The following NEBL variants were observed in gnomAD, a reference collection of about 807,000 sequenced individuals.
NEBL encodes LIM and SH3 protein 2.
A neutral mutation model predicts 140.2 loss-of-function variants in NEBL; 122 were observed. The ratio of observed to expected loss-of-function variants is 0.87; its 90% confidence interval spans 0.75 to 1.01. The LOEUF (loss-of-function observed/expected upper bound fraction) is 1.01, where lower values mean the gene tolerates loss of function less well. NEBL is among the 50% of genes least tolerant of loss of function. The pLI is 0.00. For missense variants in NEBL, 1,365 were observed against 1,231.3 expected (o/e 1.11, Z -1.62); for synonymous variants, 436 against 398.9 (o/e 1.09, Z -1.11).
At chr10:21,117,021 G>T (rs2132033972) in intron 2 of NEBL, among the ~76,000 whole-genome samples, 1 of 152,138 alleles carries the variant, frequency 6.6e-6, no homozygotes, top group East Asian at 1.9e-4. Context: ...ATGTTACTTT[G>T]TTGGTGCTGG....
In NEBL at chr10:20,783,933, C is replaced by T. The variant is rs1274946839; in HGVS notation, c.*1814G>A. The stretch of plus-strand genomic sequence containing the variant: ...TGCATTTATTTTTTCAACTTTATGT[C>T]AGTGACATATAGATGCAGCTTCAGT... On this transcript the variant is annotated 3_prime_UTR_variant, in exon 28 of 28. Transcript: ENST00000377122. 1 of 152,432 alleles carries T rather than the reference C, an allele frequency of 6.6e-6. No individual in the cohort carries two copies. The highest frequency in any genetic ancestry group is 1.9e-4 in the East Asian group (1 of 5,198). 9.4% of individuals were successfully genotyped at this position (152,432 alleles called of 1,614,324 possible).
chr10:20,846,210 A>T (rs1841923676), intron 11 of NEBL, among the ~76,000 whole-genome samples: 1 of 152,152 alleles, frequency 6.6e-6, no homozygotes, highest in Non-Finnish European at 1.5e-5. Flanking sequence ...AAAAATATCC[A>T]TCCATGTGAA....
chr10:20,976,071 A>G (rs560563553), intron 3 of NEBL, among the ~76,000 whole-genome samples: 239 of 152,254 alleles, frequency 1.6e-3, no homozygotes, highest in African/African-American at 5.5e-3. Flanking sequence ...ATGGTGGCTC[A>G]CACCTGTAAT....
chr10:20,834,664 A>G (rs74120694), intron 14 of NEBL, among the ~76,000 whole-genome samples: 3,282 of 152,200 alleles, frequency 0.022, 132 homozygotes, highest in African/African-American at 0.075. Context: ...TGAAGCCCCC[A>G]CCTAACCAAC....
intron 3 of NEBL, among the ~76,000 whole-genome samples, chr10:21,221,907 G>A (rs1432466168): frequency 6.6e-6 from 1 of 151,622 alleles, no homozygotes; most frequent in Non-Finnish European, 1.5e-5. Flanking sequence ...TAAACACTGA[G>A]ACCTAGGTGC....
At chr10:21,074,941 C>T (rs775509195) in intron 2 of NEBL, among the ~76,000 whole-genome samples, 4 of 151,508 alleles carry the variant, frequency 2.6e-5, no homozygotes, top group Admixed American at 6.6e-5. Context: ...GTAGCTGGAA[C>T]TACAGGCATG....
chr10:21,087,694 T>C (rs1224031952), intron 2 of NEBL, among the ~76,000 whole-genome samples: 1 of 152,244 alleles, frequency 6.6e-6, no homozygotes, highest in African/African-American at 2.4e-5. Flanking sequence ...GTGTGACAAT[T>C]AGTTCCGCTG....
intron 2 of NEBL, among the ~76,000 whole-genome samples, chr10:21,144,945 C>T (rs1839823381): frequency 7.2e-6 from 1 of 138,306 alleles, no homozygotes; most frequent in African/African-American, 2.9e-5. Flanking sequence ...ATATAAAAAG[C>T]CCCTTCAAAT....
chr10:21,269,958 GTTCT>G, intron 1 of NEBL, among the ~76,000 whole-genome samples: 1 of 152,290 alleles, frequency 6.6e-6, no homozygotes, highest in East Asian at 1.9e-4. Flanking sequence ...AATTTGAGGA[GTTCT>G]TTGTTTGTTT....
At chr10:21,046,383 C>T (rs1834515003) in intron 2 of NEBL, among the ~76,000 whole-genome samples, 1 of 152,028 alleles carries the variant, frequency 6.6e-6, no homozygotes, top group South Asian at 2.1e-4. Flanking sequence ...TAGTGTTATA[C>T]GAGGTAATAC....
chr10:21,094,561 T>C (rs1837092334), intron 2 of NEBL, among the ~76,000 whole-genome samples: 1 of 145,950 alleles, frequency 6.9e-6, no homozygotes, highest in Non-Finnish European at 1.5e-5. Flanking sequence ...GGAGTGCCTG[T>C]AATCCCAGCT....
chr10:21,097,101 T>C (rs1837222952), intron 2 of NEBL, among the ~76,000 whole-genome samples: 1 of 152,110 alleles, frequency 6.6e-6, no homozygotes, highest in Non-Finnish European at 1.5e-5. Context: ...TCCTAATACT[T>C]TATTGTTTCC....
intron 2 of NEBL, among the ~76,000 whole-genome samples, chr10:21,170,927 C>A (rs1841043190): frequency 6.6e-6 from 1 of 152,166 alleles, no homozygotes; most frequent in Admixed American, 6.5e-5. Context: ...GAACCTACTT[C>A]AAAAACTGTA....
chr10:21,276,203 C>G (rs1842922738), intron 1 of NEBL, among the ~76,000 whole-genome samples: 1 of 151,998 alleles, frequency 6.6e-6, no homozygotes, highest in Admixed American at 6.5e-5. Flanking sequence ...AACTCCTGAC[C>G]TCTAGTGATC....
intron 4 of NEBL, among the ~76,000 whole-genome samples, chr10:20,930,127 C>G (rs1235138925): frequency 6.6e-6 from 1 of 152,128 alleles, no homozygotes; most frequent in Non-Finnish European, 1.5e-5. Flanking sequence ...TAACGGCCAC[C>G]TCCATTTAGA....
chr10:20,964,680 C>T (rs1469733934), intron 3 of NEBL, among the ~76,000 whole-genome samples: 1 of 152,130 alleles, frequency 6.6e-6, no homozygotes, highest in Admixed American at 6.5e-5. Flanking sequence ...ACATCCAAAC[C>T]ATATCAGGGG....
chr10:21,131,666 GA>G (rs1839114293), intron 2 of NEBL, among the ~76,000 whole-genome samples: 1 of 123,794 alleles, frequency 8.1e-6, no homozygotes. Flanking sequence ...TGGTGTGTAT[GA>G]CAGGTCATGA....
At chr10:21,062,019 C>T (rs1049604771) in intron 2 of NEBL, among the ~76,000 whole-genome samples, 1 of 152,142 alleles carries the variant, frequency 6.6e-6, no homozygotes, top group African/African-American at 2.4e-5. Flanking sequence ...AATGCAAACC[C>T]GATGAAAAGA....
chr10:21,047,964 C>CT, intron 2 of NEBL, among the ~76,000 whole-genome samples: 1 of 152,324 alleles, frequency 6.6e-6, no homozygotes, highest in East Asian at 1.9e-4. Flanking sequence ...AGAACCTTCC[C>CT]TTTTTTGTGG....
Sources: gnomAD v4.1 joint callset for allele counts (sites outside exome capture counted in the v4.1 genomes callset) on GRCh38, gnomAD v4.1.1 for gene constraint, MANE v1.5 for transcripts, NCBI Gene and HGNC (gene_info 2026-07-23, HGNC 2026-07-21) for gene names.